ST3GAL1: variants seen among roughly 807,000 people sequenced by gnomAD.
ST3GAL1 encodes CMP-N-acetylneuraminate-beta-galactosamide-alpha-2,3-sialyltransferase 1.
ST3GAL1 carries 16 observed loss-of-function variants against 34.1 expected under a neutral mutation model. That is an observed-to-expected ratio of 0.47 (90% CI 0.32 to 0.71). The LOEUF is 0.71. Among genes scored for constraint, ST3GAL1 ranks in the 30% least tolerant of loss-of-function variants. The pLI is 0.04. For synonymous variants in ST3GAL1, 191 were observed against 184.7 expected (o/e 1.03, Z -0.28); for missense variants, 353 against 447.4 (o/e 0.79, Z 1.90).
chr8:133,540,746 CAT>C (rs57077992), intron 2 of ST3GAL1, among the ~76,000 whole-genome samples: 1,954 of 48,954 alleles, frequency 0.04, 56 homozygotes, highest in African/African-American at 0.1. Flanking sequence ...TATATATAGA[CAT>C]ATATATATAT....
At chr8:133,550,251 T>C (rs1024695115) in intron 1 of ST3GAL1, among the ~76,000 whole-genome samples, 11 of 152,184 alleles carry the variant, frequency 7.2e-5, no homozygotes, top group Admixed American at 2.0e-4. Flanking sequence ...TCTTTCTATA[T>C]TGAGTCCCTA....
rs115685600 is a variant in ST3GAL1 at position 133,558,089 on chromosome 8, G to A, written c.-581-12163C>T. Among the ~76,000 whole-genome samples the A allele has an allele frequency of 5.4e-3, 827 of 152,232 alleles. 8 individuals are homozygous for A. Among genetic ancestry groups the A allele is most frequent in the African/African-American group, 0.018 (751 of 41,544 alleles). The stretch of plus-strand genomic sequence containing the variant: ...CATTCTGCCATCTGCTCCAGGAAGC[G>A]CTCTCTGGTTGGAAGCTTTGAATGA... On this transcript the variant is annotated intron_variant, in intron 1 of 9. Transcript: ENST00000522652.
At chr8:133,555,552 C>G (rs1818988275) in intron 1 of ST3GAL1, among the ~76,000 whole-genome samples, 1 of 151,828 alleles carries the variant, frequency 6.6e-6, no homozygotes, top group African/African-American at 2.4e-5. Flanking sequence ...CATGGTTTTC[C>G]TAAAAAAAAA....
chr8:133,523,291 C>A (rs1401283568), intron 2 of ST3GAL1, among the ~76,000 whole-genome samples: 1 of 152,078 alleles, frequency 6.6e-6, no homozygotes, highest in African/African-American at 2.4e-5. Flanking sequence ...CACTGCCACA[C>A]CCCCATGCAC....
chr8:133,509,349 G>A (rs1817439187), intron 2 of ST3GAL1, among the ~76,000 whole-genome samples: 1 of 152,264 alleles, frequency 6.6e-6, no homozygotes. Context: ...GTGCAGTTGA[G>A]GCACAGGGTC....
In ST3GAL1 at chr8:133,466,214, C is replaced by A. The variant is rs770942920; in HGVS notation, c.307-124G>T. 2.3e-5 allele frequency: 23 copies of A among 983,014 alleles called. No individual in the cohort carries two copies. The highest frequency in any genetic ancestry group is 3.2e-4 in the Middle Eastern group (1 of 3,080). The allele number at this position is 983,014 out of a possible 1,614,324, so 60.9% of individuals were successfully genotyped here. On this transcript the variant is annotated intron_variant, in intron 5 of 9. Transcript: ENST00000522652. The surrounding 1 kb of genome is among the most constrained non-coding windows in gnomAD (Gnocchi z 4.4). ...CCTGTTCACCCTTCTCTCTGCTGGG[C>A]CCCCGGAGATGGAGGCGGCTCACAC...
intron 1 of ST3GAL1, among the ~76,000 whole-genome samples, chr8:133,549,978 C>G (rs1009274222): frequency 6.6e-6 from 1 of 152,138 alleles, no homozygotes; most frequent in African/African-American, 2.4e-5. Context: ...ACAAAACAAA[C>G]AAACAAACAA....
chr8:133,502,885 T>G (rs1049262468), intron 2 of ST3GAL1, among the ~76,000 whole-genome samples: 1 of 152,242 alleles, frequency 6.6e-6, no homozygotes, highest in Non-Finnish European at 1.5e-5. Flanking sequence ...ACAGACAGTA[T>G]ACCTCCCTGC....
intron 1 of ST3GAL1, among the ~76,000 whole-genome samples, chr8:133,550,601 A>C (rs1458358803): frequency 2.0e-5 from 3 of 152,200 alleles, no homozygotes; most frequent in African/African-American, 7.2e-5. Context: ...ATTTCCATCC[A>C]TCCAACTGGT....
intron 2 of ST3GAL1, among the ~76,000 whole-genome samples, chr8:133,515,293 G>C (rs1377822044): frequency 6.6e-6 from 1 of 152,162 alleles, no homozygotes; most frequent in Non-Finnish European, 1.5e-5. Context: ...CCCTTACTCT[G>C]TTTCAGTCAT....
chr8:133,544,431 C>T (rs12549002), intron 2 of ST3GAL1, among the ~76,000 whole-genome samples: 27,436 of 152,204 alleles, frequency 0.18, 3,907 homozygotes, highest in African/African-American at 0.39. Flanking sequence ...CTTTGTTCAA[C>T]ATGTTCTTTC....
intron 2 of ST3GAL1, among the ~76,000 whole-genome samples, chr8:133,504,979 A>C (rs1306819132): frequency 1.3e-5 from 2 of 152,130 alleles, no homozygotes; most frequent in Non-Finnish European, 2.9e-5. Flanking sequence ...AGTGAGCCTC[A>C]GTTTCTTCAT....
chr8:133,475,758 C>G lies in ST3GAL1; in HGVS notation c.267G>C (p.Gln89His). The G allele has an allele frequency of 6.2e-7, 1 of 1,612,004 alleles. No individual in the cohort carries two copies. Among genetic ancestry groups the G allele is most frequent in the African/African-American group, 1.3e-5 (1 of 75,018 alleles). Reference sequence around the variant, plus strand: ...AGGTGTCGTCCTCCAAGAGCGCGTTCTGGGCGGTCAGCAGCGGCTGCATGG... The same window carrying G: ...AGGTGTCGTCCTCCAAGAGCGCGTTGTGGGCGGTCAGCAGCGGCTGCATGG... ...NQTMQPLLTAQNALLEDDTYR... is the reference protein window; with the variant it reads ...NQTMQPLLTAHNALLEDDTYR... The change falls in exon 5 of 10, where the codon CAG becomes CAC. Residue 89 changes from glutamine to histidine, a missense_variant. By Grantham distance (24) the Gln-to-His change is conservative. Transcript: ENST00000522652.
At chr8:133,558,155 A>G (rs1037490867) in intron 1 of ST3GAL1, among the ~76,000 whole-genome samples, 7 of 152,184 alleles carry the variant, frequency 4.6e-5, no homozygotes, top group Admixed American at 4.6e-4. Context: ...AGAGGTCAAA[A>G]CACCACTGTG....
chr8:133,530,127 T>A lies in ST3GAL1; in HGVS notation c.-429+15647A>T, dbSNP rs560398175. 4.6e-5 allele frequency among the ~76,000 whole-genome samples: 7 copies of A among 152,228 alleles called. No individual in the cohort carries two copies. In the South Asian group the frequency reaches 8.3e-4, roughly 18 times the overall value. On this transcript the variant is annotated intron_variant, in intron 2 of 9. Coordinates refer to ENST00000522652, the MANE Select transcript of ST3GAL1 (RefSeq NM_173344.3). Reference sequence around the variant, plus strand: ...ATTCCACTGACATTTGATAATTGAATTAATGAATAAACTAGAGCAGGGGGG... The same window carrying A: ...ATTCCACTGACATTTGATAATTGAAATAATGAATAAACTAGAGCAGGGGGG...
At chr8:133,532,329 G>A (rs999123784) in intron 2 of ST3GAL1, among the ~76,000 whole-genome samples, 14 of 152,102 alleles carry the variant, frequency 9.2e-5, no homozygotes, top group Admixed American at 3.3e-4. Flanking sequence ...AAAATTAGCC[G>A]GGTGCAGTGG....
At chr8:133,541,116 T>TAGAGAGAGAGAGAGAGAGAGAG (rs1287760256) in intron 2 of ST3GAL1, among the ~76,000 whole-genome samples, 5 of 48,522 alleles carry the variant, frequency 1.0e-4, no homozygotes, top group African/African-American at 2.2e-4. Context: ...TATATATATA[T>TAGAGAGAGAGAGAGAGAGAGAG]ATATAGAGAG....
At chr8:133,489,600 A>C (rs1225644258) in intron 3 of ST3GAL1, 1 of 152,286 alleles carries the variant, frequency 6.6e-6, no homozygotes, top group Admixed American at 6.5e-5. Context: ...GGATGGCACC[A>C]GGGGATCCCT....
intron 3 of ST3GAL1, among the ~76,000 whole-genome samples, chr8:133,480,215 C>T (rs140737719): frequency 1.0e-3 from 156 of 152,294 alleles, no homozygotes; most frequent in African/African-American, 2.3e-3. Flanking sequence ...CAGAGCTTAG[C>T]GGGGTCACCA....
Sources: allele counts gnomAD v4.1 joint callset (sites outside exome capture counted in the v4.1 genomes callset), GRCh38; gene constraint gnomAD v4.1.1; non-coding constraint Gnocchi (gnomAD v3.1); transcripts MANE v1.5; gene names NCBI Gene and HGNC (gene_info 2026-07-23, HGNC 2026-07-21).